The following HIVEP3 variants were observed in gnomAD, a reference collection of about 807,000 sequenced individuals.
The protein encoded by HIVEP3 is HIVEP zinc finger 3, also known as transcription factor HIVEP3.
HIVEP3 carries 49 observed loss-of-function variants against 152.8 expected under a neutral mutation model. The observed-to-expected ratio is 0.32, with a 90% CI of 0.26 to 0.41. HIVEP3 has a LOEUF of 0.41. Ranked by LOEUF, HIVEP3 falls within the 10% of genes least tolerant of loss-of-function variation. The pLI is 1.00. For synonymous variants in HIVEP3, 1,269 were observed against 1,289.0 expected, an observed-to-expected ratio of 0.98 and a Z score of 0.33; for missense variants, 2,790 against 3,103.3, an observed-to-expected ratio of 0.90 and a Z score of 2.40.
chr1:41,739,485 C>G (rs1028265672), intron 1 of HIVEP3, among the ~76,000 whole-genome samples: 7 of 152,192 alleles, frequency 4.6e-5, no homozygotes, highest in African/African-American at 1.4e-4. Context: ...GCACCCACAA[C>G]TCTCTTTGCA....
intron 5 of HIVEP3, among the ~76,000 whole-genome samples, chr1:41,565,027 C>A (rs567796852): frequency 6.6e-6 from 1 of 152,254 alleles, no homozygotes; most frequent in South Asian, 2.1e-4. Context: ...CTGAACATCT[C>A]CAATGTCTTG....
At chr1:41,792,235 C>G (rs920037261) in intron 1 of HIVEP3, among the ~76,000 whole-genome samples, 46 of 152,328 alleles carry the variant, frequency 3.0e-4, no homozygotes, top group African/African-American at 1.0e-3. Context: ...GGAAAGTTCC[C>G]CTGAGGCAAG....
At chr1:41,851,070 C>T (rs949939864) in intron 1 of HIVEP3, among the ~76,000 whole-genome samples, 2 of 152,224 alleles carry the variant, frequency 1.3e-5, no homozygotes, top group Non-Finnish European at 2.9e-5. Context: ...CTCCTTATAG[C>T]CCTAGAACTA....
chr1:41,649,298 G>A (rs564996192), intron 2 of HIVEP3, among the ~76,000 whole-genome samples: 14 of 152,336 alleles, frequency 9.2e-5, no homozygotes, highest in African/African-American at 3.4e-4. Context: ...AGAATCCTCT[G>A]GGTTGCAGAA....
Position 41,513,584 on chromosome 1 carries a change from T to G in HIVEP3, c.5637A>C (p.Ser1879=), listed in dbSNP as rs1642515924. The change falls in exon 8 of 9, where the codon TCA becomes TCC. Residue 1879 remains serine, a synonymous_variant. Coordinates refer to ENST00000372583, the MANE Select transcript of HIVEP3 (RefSeq NM_024503.5). ...ESQDELSRPS[S]EAPPPGPPHA... is the part of the protein sequence containing the mutation. ...GTGGTGGGCCAGGCGGGGGCGCCTC[T>G]GAGGATGGTCTGGACAGCTCATCCT... 2 of 1,613,444 alleles carry G rather than the reference T, an allele frequency of 1.2e-6. No individual in the cohort carries two copies. The highest frequency in any genetic ancestry group is 1.3e-5 in the African/African-American group (1 of 74,934).
Position 41,583,295 on chromosome 1 carries a change from T to C in HIVEP3, c.1503A>G (p.Lys501=). 6.2e-7 allele frequency: 1 copy of C among 1,612,552 alleles called. No homozygotes were observed. Among genetic ancestry groups the C allele is most frequent in the Non-Finnish European group, 8.5e-7 (1 of 1,179,430 alleles). Residue 501 remains lysine (K), a synonymous_variant, in exon 4 of 9, where the codon AAA becomes AAG. Transcript: ENST00000372583. The surrounding 1 kb of genome is among the most constrained non-coding windows in gnomAD (Gnocchi z 6.9). ...LSRRSSMESP[K]SSLYREPLSS... Reference sequence around the variant, plus strand: ...ACAGGGGCTCCCGGTAGAGGCTGGATTTTGGGGACTCCATGCTGCTGCGCC... The same window carrying C: ...ACAGGGGCTCCCGGTAGAGGCTGGACTTTGGGGACTCCATGCTGCTGCGCC...
At chr1:41,679,038 A>C (rs1399941914) in intron 2 of HIVEP3, among the ~76,000 whole-genome samples, 1 of 152,192 alleles carries the variant, frequency 6.6e-6, no homozygotes, top group Non-Finnish European at 1.5e-5. Flanking sequence ...GCCCAGGGAG[A>C]AGGTGCTCCA....
intron 1 of HIVEP3, among the ~76,000 whole-genome samples, chr1:41,796,964 A>C (rs117463780): frequency 3.9e-5 from 6 of 152,162 alleles, no homozygotes; most frequent in Non-Finnish European, 8.8e-5. Flanking sequence ...CAGAAGCTAC[A>C]TTGTGAAACT....
At chr1:41,954,595 G>A (rs1176659576) in intron 1 of HIVEP3, among the ~76,000 whole-genome samples, 1 of 152,214 alleles carries the variant, frequency 6.6e-6, no homozygotes, top group Non-Finnish European at 1.5e-5. Flanking sequence ...CTCTGAGCAG[G>A]GGGTCATGGC....
intron 1 of HIVEP3, among the ~76,000 whole-genome samples, chr1:41,967,260 A>G (rs1645204546): frequency 6.6e-6 from 1 of 152,192 alleles, no homozygotes; most frequent in South Asian, 2.1e-4. Context: ...TTATCCCCAC[A>G]TGTCACTTAC....
intron 1 of HIVEP3, among the ~76,000 whole-genome samples, chr1:42,016,028 C>G (rs1645520351): frequency 6.6e-6 from 1 of 152,164 alleles, no homozygotes; most frequent in Non-Finnish European, 1.5e-5. Flanking sequence ...GGGCCTTTGG[C>G]TAGTTACGTG....
At chr1:41,675,721 A>T (rs1322453823) in intron 2 of HIVEP3, among the ~76,000 whole-genome samples, 3 of 152,220 alleles carry the variant, frequency 2.0e-5, no homozygotes, top group Non-Finnish European at 4.4e-5. Flanking sequence ...TAGGAAGACC[A>T]GGAGAGTTTA....
At chr1:41,628,633 G>T in intron 3 of HIVEP3, 116 bp downstream of exon 3, 1 of 851,018 alleles carries the variant, frequency 1.2e-6, no homozygotes, top group Non-Finnish European at 1.6e-6. Flanking sequence ...GAAAGGCAAC[G>T]ATAACACTAA....
At chr1:41,668,182 G>A (rs943372) in intron 2 of HIVEP3, among the ~76,000 whole-genome samples, 31,375 of 152,150 alleles carry the variant, frequency 0.21, 4,136 homozygotes, top group East Asian at 0.43. Context: ...AAGGAATCCC[G>A]AGGCAAGACA....
At chr1:41,841,905 C>T (rs1055805949) in intron 1 of HIVEP3, among the ~76,000 whole-genome samples, 3 of 152,090 alleles carry the variant, frequency 2.0e-5, no homozygotes, top group Non-Finnish European at 4.4e-5. Context: ...GTCTGGCCAA[C>T]ATGGTGAAAT....
At position 41,805,906 on chromosome 1, in the gene HIVEP3, C is replaced by T. The variant is rs185320694; in HGVS notation, c.-800-104911G>A. On this transcript the variant is annotated intron_variant, in intron 1 of 8. Transcript: ENST00000372583. ...TTCTGTGTGTGTGTGTACACGTGCA[C>T]GCACACACATCTCCTCTGTAAAGCT... Among the ~76,000 whole-genome samples, 46 of 152,210 alleles carry T rather than the reference C, an allele frequency of 3.0e-4. No individual in the cohort carries two copies. The South Asian group carries it at 4.8e-3, about 16-fold the overall frequency.
chr1:41,916,299 A>G (rs1374793873), intron 1 of HIVEP3, among the ~76,000 whole-genome samples: 1 of 152,186 alleles, frequency 6.6e-6, no homozygotes, highest in Non-Finnish European at 1.5e-5. Flanking sequence ...ACTGCCACAG[A>G]GTTCACAGTA....
At chr1:41,631,182 C>T (rs975230890) in intron 2 of HIVEP3, among the ~76,000 whole-genome samples, 4 of 152,140 alleles carry the variant, frequency 2.6e-5, no homozygotes, top group African/African-American at 7.2e-5. Flanking sequence ...CTGGTTTGCC[C>T]GCTGCAGGCA....
chr1:41,693,268 C>A (rs1419071758), intron 2 of HIVEP3, among the ~76,000 whole-genome samples: 1 of 152,162 alleles, frequency 6.6e-6, no homozygotes, highest in African/African-American at 2.4e-5. Context: ...TATAATCTCC[C>A]CTCCAGAAAA....
Sources: gnomAD v4.1 joint callset for allele counts (sites outside exome capture counted in the v4.1 genomes callset) on GRCh38, gnomAD v4.1.1 for gene constraint, Gnocchi (gnomAD v3.1) non-coding constraint, MANE v1.5 for transcripts, NCBI Gene and HGNC (gene_info 2026-07-23, HGNC 2026-07-21) for gene names.